Variants in LIPA observed in about 807,000 individuals in gnomAD.
LIPA encodes the protein lipase A, lysosomal acid type, also known as lysosomal acid lipase/cholesteryl ester hydrolase.
Under a neutral mutation model 40.6 loss-of-function variants are expected in LIPA, and 26 were observed. The observed-to-expected ratio is 0.64, with a 90% confidence interval of 0.47 to 0.89. The LOEUF (loss-of-function observed/expected upper bound fraction) is 0.89. LIPA is among the 40% of genes least tolerant of loss of function. LIPA has a pLI of 0.00. For synonymous variants in LIPA, 188 were observed against 168.4 expected (o/e 1.12, Z -0.90); for missense variants, 455 against 479.6 (o/e 0.95, Z 0.48).
At chr10:89,248,287 G>A (rs575440467) in intron 1 of LIPA, among the ~76,000 whole-genome samples, 14 of 146,652 alleles carry the variant, frequency 9.5e-5, no homozygotes, top group Middle Eastern at 7.5e-3. Context: ...TCAGCCTCCA[G>A]AGTAGCTGGG....
intron 1 of LIPA, among the ~76,000 whole-genome samples, chr10:89,261,911 A>T (rs1843212019): frequency 6.6e-6 from 1 of 152,162 alleles, no homozygotes; most frequent in African/African-American, 2.4e-5. Context: ...GCCGTAACCA[A>T]TCCAATTCCA....
chr10:89,351,610 G>A (rs779314295), intron 2 of LIPA, among the ~76,000 whole-genome samples: 1 of 152,186 alleles, frequency 6.6e-6, no homozygotes, highest in Non-Finnish European at 1.5e-5. Context: ...TTTAGAGTCA[G>A]AACAGGCAAT....
At chr10:89,366,868 A>T (rs1844060368) in intron 2 of LIPA, among the ~76,000 whole-genome samples, 1 of 152,192 alleles carries the variant, frequency 6.6e-6, no homozygotes, top group Admixed American at 6.5e-5. Flanking sequence ...ATAAAGACAC[A>T]TGCACACGTA....
At chr10:89,412,713 C>T (rs1359337225) in intron 2 of LIPA, 19 of 431,228 alleles carry the variant, frequency 4.4e-5, no homozygotes, top group African/African-American at 1.7e-4. Context: ...ACTCCGGACG[C>T]GCCACCTTTA....
intron 3 of LIPA, among the ~76,000 whole-genome samples, chr10:89,231,337 G>A (rs540722996): frequency 1.3e-5 from 2 of 152,168 alleles, no homozygotes; most frequent in African/African-American, 2.4e-5. Flanking sequence ...GGTAGCTTCC[G>A]TAGACTACTC....
intron 1 of LIPA, among the ~76,000 whole-genome samples, chr10:89,320,044 A>G (rs1241601763): frequency 6.6e-6 from 1 of 152,200 alleles, no homozygotes; most frequent in Non-Finnish European, 1.5e-5. Flanking sequence ...CTCTCAATAA[A>G]CTAGGTATTG....
At chr10:89,373,825 G>A (rs534983370) in intron 2 of LIPA, among the ~76,000 whole-genome samples, 2 of 152,340 alleles carry the variant, frequency 1.3e-5, no homozygotes, top group East Asian at 3.9e-4. Context: ...GAGATCTGTA[G>A]AGGGGCCTGA....
chr10:89,380,348 G>A (rs1187236287), intron 2 of LIPA, among the ~76,000 whole-genome samples: 1 of 152,096 alleles, frequency 6.6e-6, no homozygotes, highest in Non-Finnish European at 1.5e-5. Context: ...ACAAGATCCA[G>A]GGAAATGCCT....
At chr10:89,265,939 TC>T (rs1348326870) in intron 1 of LIPA, among the ~76,000 whole-genome samples, 1 of 152,206 alleles carries the variant, frequency 6.6e-6, no homozygotes, top group African/African-American at 2.4e-5. Context: ...CATGAAAAAT[TC>T]CATTCTGACC....
intron 1 of LIPA, among the ~76,000 whole-genome samples, chr10:89,297,680 C>T (rs756751828): frequency 6.6e-6 from 1 of 152,208 alleles, no homozygotes; most frequent in Non-Finnish European, 1.5e-5. Context: ...CTACCCTTAG[C>T]AGCACCACAA....
chr10:89,327,966 C>G, intron 1 of LIPA: 1 of 1,196,532 alleles, frequency 8.4e-7, no homozygotes, highest in South Asian at 1.2e-5. Flanking sequence ...TCTCCCACCC[C>G]TTTATATAGT....
chr10:89,238,164 T>C (rs985809873), intron 3 of LIPA, among the ~76,000 whole-genome samples: 4 of 152,188 alleles, frequency 2.6e-5, no homozygotes, highest in Non-Finnish European at 4.4e-5. Context: ...ATTGTGGATA[T>C]GGCAAAAAGG....
upstream of LIPA, among the ~76,000 whole-genome samples, chr10:89,343,672 T>C (rs1843891737): frequency 6.6e-6 from 1 of 152,124 alleles, no homozygotes; most frequent in Non-Finnish European, 1.5e-5. Flanking sequence ...AGTGAAGAAG[T>C]ATGAGAGCAG....
At chr10:89,412,206 G>T (rs890265771) in intron 2 of LIPA, among the ~76,000 whole-genome samples, 1 of 152,180 alleles carries the variant, frequency 6.6e-6, no homozygotes, top group Admixed American at 6.5e-5. Flanking sequence ...TGTTTAGAGG[G>T]GGGATTGAGA....
intron 1 of LIPA, among the ~76,000 whole-genome samples, chr10:89,257,079 A>G (rs139845314): frequency 2.0e-5 from 3 of 152,366 alleles, no homozygotes; most frequent in African/African-American, 7.2e-5. Context: ...GTTGTTTTGA[A>G]TCAATTGTCC....
intron 2 of LIPA, chr10:89,403,599 C>T (rs1248074726): frequency 1.9e-6 from 3 of 1,613,996 alleles, no homozygotes; most frequent in East Asian, 2.2e-5. Flanking sequence ...AAGCTTGAGC[C>T]TCCTTGGGTT....
chr10:89,367,147 AGGGAACATCACACACC>A (rs1844062128), intron 2 of LIPA, among the ~76,000 whole-genome samples: 1 of 138,372 alleles, frequency 7.2e-6, no homozygotes, highest in African/African-American at 2.6e-5. Flanking sequence ...GACACAGAAA[AGGGAACATCACACACC>A]GGGGCCTGTC....
intron 2 of LIPA, among the ~76,000 whole-genome samples, chr10:89,358,857 C>T (rs1353209632): frequency 2.0e-5 from 3 of 151,666 alleles, no homozygotes; most frequent in Non-Finnish European, 4.4e-5. Context: ...TTCTAGTGTT[C>T]GATAGTACAG....
At chr10:89,248,951 GA>G (rs1464210685) in intron 1 of LIPA, among the ~76,000 whole-genome samples, 2 of 152,162 alleles carry the variant, frequency 1.3e-5, no homozygotes, top group Non-Finnish European at 2.9e-5. Flanking sequence ...GAAAAAGAAA[GA>G]GACACAAAAT....
Sources: gnomAD v4.1 joint callset for allele counts (sites outside exome capture counted in the v4.1 genomes callset) on GRCh38, gnomAD v4.1.1 for gene constraint, MANE v1.5 for transcripts, NCBI Gene and HGNC (gene_info 2026-07-23, HGNC 2026-07-21) for gene names.